Variants in LIMA1 observed in about 807,000 individuals in gnomAD.
The protein encoded by LIMA1 is LIM domain and actin binding 1, also known as LIM domain and actin-binding protein 1.
In LIMA1, 52 loss-of-function variants were observed where a neutral mutation model predicts 62.6. The observed-to-expected ratio is 0.83, with a 90% CI of 0.67 to 1.05. The LOEUF (loss-of-function observed/expected upper bound fraction) is 1.05, where lower values mean the gene tolerates loss of function less well. Ranked by LOEUF, LIMA1 falls within the 50% of genes least tolerant of loss-of-function variation. The probability of loss-of-function intolerance (pLI) is 0.00; values close to 1 mark genes in which losing one functional copy is unlikely to be tolerated. For missense variants in LIMA1, 780 were observed against 902.2 expected (o/e 0.86, Z 1.74); for synonymous variants, 302 against 317.8 (o/e 0.95, Z 0.53).
chr12:50,197,584 G>A (rs367691260), intron 7 of LIMA1, among the ~76,000 whole-genome samples: 3 of 152,030 alleles, frequency 2.0e-5, no homozygotes, highest in Admixed American at 6.6e-5. Flanking sequence ...ATTCACAGTC[G>A]CACTAATGTC....
intron 3 of LIMA1, among the ~76,000 whole-genome samples, chr12:50,223,488 C>CA (rs5798135): frequency 0.39 from 51,914 of 131,806 alleles, 9,789 homozygotes; most frequent in South Asian, 0.52. Flanking sequence ...ATCCCCCAAC[C>CA]AAAAAAAAAA....
chr12:50,198,107 T>C (rs939462274), intron 7 of LIMA1, among the ~76,000 whole-genome samples: 9 of 152,252 alleles, frequency 5.9e-5, no homozygotes, highest in Non-Finnish European at 1.3e-4. Context: ...TTTTTTCTGT[T>C]CTGGTCTTTG....
At chr12:50,229,311 C>T (rs1422666334) in intron 3 of LIMA1, among the ~76,000 whole-genome samples, 1 of 152,180 alleles carries the variant, frequency 6.6e-6, no homozygotes, top group Admixed American at 6.5e-5. Flanking sequence ...CTCCTGCGAT[C>T]CTCCCGCCTT....
In LIMA1 at chr12:50,200,802, C is replaced by T. The variant is rs747984783; in HGVS notation, c.947G>A (p.Cys316Tyr). The change falls in exon 7 of 11, where the codon TGC becomes TAC. Residue 316 changes from cysteine (C) to tyrosine (Y), a missense_variant. By Grantham distance (194) the Cys-to-Tyr change is radical. Transcript: ENST00000341247. ...KENVPPGPEVCITHQEGEKIS... is the reference protein window; with the variant it reads ...KENVPPGPEVYITHQEGEKIS... Reference sequence around the variant, plus strand: ...CTTTTCCCCTTCCTGATGGGTGATGCAGACCTCAGGACCTGGGGGCACATT... The same window carrying T: ...CTTTTCCCCTTCCTGATGGGTGATGTAGACCTCAGGACCTGGGGGCACATT... 1.9e-6 allele frequency: 3 copies of T among 1,614,120 alleles called. No individual in the cohort carries two copies. In the Admixed American group the frequency reaches 5.0e-5, roughly 27 times the overall value.
At chr12:50,256,263 T>G (rs1219722234) in intron 1 of LIMA1, 3 of 152,136 alleles carry the variant, frequency 2.0e-5, no homozygotes, top group South Asian at 2.1e-4. Context: ...TTCACAAATT[T>G]GTGTGTTAAC....
intron 10 of LIMA1, among the ~76,000 whole-genome samples, chr12:50,178,939 G>A (rs1274287816): frequency 6.7e-6 from 1 of 148,688 alleles, no homozygotes; most frequent in African/African-American, 2.5e-5. Flanking sequence ...TATTCTTAAC[G>A]GTATATAAAT....
chr12:50,238,910 T>A (rs1303454510), intron 2 of LIMA1, among the ~76,000 whole-genome samples: 1 of 152,020 alleles, frequency 6.6e-6, no homozygotes, highest in Non-Finnish European at 1.5e-5. Flanking sequence ...AGTGAAAAGT[T>A]CCCATGGAGT....
intron 1 of LIMA1, among the ~76,000 whole-genome samples, chr12:50,267,041 C>A (rs1032216529): frequency 2.0e-5 from 3 of 151,588 alleles, no homozygotes; most frequent in South Asian, 2.1e-4. Context: ...ATTACCGGGG[C>A]GTGCCACCAT....
intron 1 of LIMA1, among the ~76,000 whole-genome samples, chr12:50,262,941 G>A (rs1239854001): frequency 3.9e-5 from 6 of 152,192 alleles, no homozygotes; most frequent in Non-Finnish European, 8.8e-5. Context: ...ATTTGACAGT[G>A]TAAGGAAAAT....
In LIMA1 at chr12:50,209,529, C is replaced by T. The variant is rs532021107; in HGVS notation, c.631-3461G>A. Among the ~76,000 whole-genome samples the T allele has an allele frequency of 1.9e-4, 25 of 134,796 alleles. No individual in the cohort carries two copies. In the East Asian group the frequency reaches 4.6e-3, roughly 25 times the overall value. 88.4% of individuals were successfully genotyped at this position (134,796 alleles called of 152,430 possible). ...GTTGCAGTGAGCAGAAATTGTGCCA[C>T]TGCTCTCCAGGCTAGGTGACAGAGC... On this transcript the variant is annotated intron_variant, in intron 4 of 10. Coordinates refer to ENST00000341247, the MANE Select transcript of LIMA1 (RefSeq NM_016357.5).
chr12:50,243,157 T>A (rs17124562), intron 2 of LIMA1, among the ~76,000 whole-genome samples: 1 of 152,044 alleles, frequency 6.6e-6, no homozygotes, highest in Non-Finnish European at 1.5e-5. Context: ...TAAAGGACCA[T>A]GGGACACAAG....
At chr12:50,204,104 C>CA (rs952543147) in intron 6 of LIMA1, among the ~76,000 whole-genome samples, 10 of 151,512 alleles carry the variant, frequency 6.6e-5, no homozygotes, top group East Asian at 5.8e-4. Flanking sequence ...TAAAAAATCA[C>CA]AAAAAAAACC....
chr12:50,218,311 G>A (rs1941383480), intron 4 of LIMA1: 1 of 152,392 alleles, frequency 6.6e-6, no homozygotes. Flanking sequence ...GCCCTCTTTG[G>A]TGTGACCATT....
At chr12:50,180,217 T>C (rs1484222154) in intron 10 of LIMA1, among the ~76,000 whole-genome samples, 2 of 151,838 alleles carry the variant, frequency 1.3e-5, no homozygotes, top group Non-Finnish European at 2.9e-5. Context: ...GGAGAATTGC[T>C]TGAACCTGGG....
intron 1 of LIMA1, among the ~76,000 whole-genome samples, chr12:50,268,385 C>T (rs748578156): frequency 1.3e-5 from 2 of 152,118 alleles, no homozygotes; most frequent in Non-Finnish European, 2.9e-5. Flanking sequence ...CTGAACCTCT[C>T]ATATGGAGTC....
intron 6 of LIMA1, chr12:50,201,538 T>C: frequency 2.0e-6 from 2 of 984,062 alleles, no homozygotes; most frequent in Non-Finnish European, 2.4e-6. Context: ...TAAGGATAAT[T>C]GCATTTTTTT....
At chr12:50,197,075 T>TC (rs1940945309) in intron 7 of LIMA1, among the ~76,000 whole-genome samples, 2 of 146,116 alleles carry the variant, frequency 1.4e-5, no homozygotes, top group Non-Finnish European at 3.0e-5. Context: ...AATCTTTGCT[T>TC]TTTTTTTTTT....
At chr12:50,237,956 AG>A (rs1941719979) in intron 2 of LIMA1, among the ~76,000 whole-genome samples, 1 of 152,252 alleles carries the variant, frequency 6.6e-6, no homozygotes, top group Admixed American at 6.5e-5. Context: ...CCTAACTATA[AG>A]AGCTGAAACT....
chr12:50,232,517 A>C (rs2138589746), intron 2 of LIMA1, among the ~76,000 whole-genome samples: 1 of 151,932 alleles, frequency 6.6e-6, no homozygotes, highest in East Asian at 1.9e-4. Context: ...CCACAGATGC[A>C]CACCACCACA....
Sources: gnomAD v4.1 joint callset for allele counts (sites outside exome capture counted in the v4.1 genomes callset) on GRCh38, gnomAD v4.1.1 for gene constraint, MANE v1.5 for transcripts, NCBI Gene and HGNC (gene_info 2026-07-23, HGNC 2026-07-21) for gene names.